The following NLRP1 variants were observed in gnomAD, a reference collection of about 807,000 sequenced individuals.
The protein encoded by NLRP1 is NACHT, LRR and PYD domains-containing protein 1.
Under a neutral mutation model 136.7 loss-of-function variants are expected in NLRP1, and 94 were observed. That is an observed-to-expected ratio of 0.69 (90% CI 0.58 to 0.82). The LOEUF (loss-of-function observed/expected upper bound fraction) is 0.82. Among genes scored for constraint, NLRP1 ranks in the 40% least tolerant of loss-of-function variants. The pLI is 0.00. For missense variants in NLRP1, 1,575 were observed against 1,802.7 expected, an observed-to-expected ratio of 0.87 and a Z score of 2.29; for synonymous variants, 690 against 725.1, an observed-to-expected ratio of 0.95 and a Z score of 0.78.
chr17:5,571,511 C>CA (rs1904348083), intron 3 of NLRP1, among the ~76,000 whole-genome samples: 2 of 152,048 alleles, frequency 1.3e-5, no homozygotes, highest in South Asian at 4.2e-4. Context: ...ACAATAGCCA[C>CA]AAAAAAGTAC....
At chr17:5,548,423 G>A (rs904402041) in intron 5 of NLRP1, among the ~76,000 whole-genome samples, 1 of 152,052 alleles carries the variant, frequency 6.6e-6, no homozygotes, top group African/African-American at 2.4e-5. Context: ...AGCCATCAAT[G>A]ACTCCTTCTC....
At chr17:5,508,485 G>A (rs1907469044) in intron 15 of NLRP1, among the ~76,000 whole-genome samples, 1 of 116,528 alleles carries the variant, frequency 8.6e-6, no homozygotes, top group Non-Finnish European at 1.6e-5. Context: ...AAAGTCATGA[G>A]ACTATTTATG....
rs370329115 is a variant in NLRP1 at position 5,520,915 on chromosome 17, C to T, written c.3881G>A (p.Gly1294Glu). The T allele has an allele frequency of 1.5e-5, 24 of 1,611,076 alleles. No homozygotes were observed. The South Asian group carries it at 2.1e-4, about 14-fold the overall frequency. ...LYMGCRYTVS[G>E]SGSGMLEILP... is the part of the protein sequence containing the mutation. ...TATTTCCAGCATCCCTGAACCAGAC[C>T]CAGACACAGTGTAACGACAGCCCAT... The change falls in exon 14 of 17, where the codon GGG becomes GAG. Residue 1294 changes from glycine to glutamate, a missense_variant. Gly to Glu is a moderately conservative substitution (Grantham distance 98). Transcript: ENST00000572272.
chr17:5,583,352 A>C lies in NLRP1; in HGVS notation c.271+335T>G, dbSNP rs1567675760. Among the ~76,000 whole-genome samples, 1 of 152,170 alleles carries C rather than the reference A, an allele frequency of 6.6e-6. No homozygotes were observed. The highest frequency in any genetic ancestry group is 6.5e-5 in the Admixed American group (1 of 15,286). ...TTTGCAGACAGAGAAATAGGCAGAG[A>C]GCAGTGAAGTGATTGGCCCAGGGTG... On this transcript the variant is annotated intron_variant, in intron 1 of 16. Coordinates refer to ENST00000572272, the MANE Select transcript of NLRP1 (RefSeq NM_033004.4). This position sits in a 1 kb window ranked among gnomAD's most constrained non-coding sequence, Gnocchi z 4.5.
rs1567675309 is a variant in NLRP1, at chr17:5,582,775, CGG to C, written c.341_342del (p.Thr114SerfsTer9). ...TCATGGATCCAGGGCATTAGCACTG[CGG>C]TGGAGGTGGGTTGGCTGGGAGACCC... ...HLGSPSQPTS[T>X]AVLMPWIHEL... On this transcript the variant is annotated frameshift_variant, in exon 2 of 17. Coordinates refer to ENST00000572272, the MANE Select transcript of NLRP1 (RefSeq NM_033004.4). LOFTEE classifies it high-confidence loss of function. 1 of 1,614,016 alleles carries C rather than the reference CGG, an allele frequency of 6.2e-7. No homozygotes were observed. Among genetic ancestry groups the C allele is most frequent in the Non-Finnish European group, 8.5e-7 (1 of 1,179,938 alleles).
At chr17:5,577,798 C>A (rs1905169694) in intron 3 of NLRP1, among the ~76,000 whole-genome samples, 1 of 152,210 alleles carries the variant, frequency 6.6e-6, no homozygotes, top group Non-Finnish European at 1.5e-5. Flanking sequence ...GCCCGCACTG[C>A]CAAGACAATC....
At chr17:5,505,148 T>G (rs536640752) in intron 15 of NLRP1, 1 of 152,358 alleles carries the variant, frequency 6.6e-6, no homozygotes, top group African/African-American at 2.4e-5. Flanking sequence ...AAACCCACAG[T>G]TGATGGGAAA....
At chr17:5,523,100 G>A (rs1909097867) in intron 12 of NLRP1, among the ~76,000 whole-genome samples, 2 of 152,126 alleles carry the variant, frequency 1.3e-5, no homozygotes, top group African/African-American at 2.4e-5. Context: ...CAGAGAGAGA[G>A]AATTCTGGCA....
intron 12 of NLRP1, among the ~76,000 whole-genome samples, chr17:5,529,368 TC>T (rs920167893): frequency 1.3e-5 from 2 of 151,608 alleles, no homozygotes; most frequent in Non-Finnish European, 2.9e-5. Context: ...GATTGTTTAT[TC>T]TTTTTTTTTT....
At chr17:5,563,102 A>C (rs562761966) in intron 3 of NLRP1, among the ~76,000 whole-genome samples, 1 of 152,266 alleles carries the variant, frequency 6.6e-6, no homozygotes, top group African/African-American at 2.4e-5. Context: ...CAAGATAAAA[A>C]CAAAACAAAA....
chr17:5,530,407 A>G, intron 12 of NLRP1, 74 bp downstream of exon 12: 1 of 1,375,810 alleles, frequency 7.3e-7, no homozygotes, highest in Non-Finnish European at 1.0e-6. Flanking sequence ...CTCTCCCAGG[A>G]GATTATCATT....
chr17:5,545,403 TAC>T (rs755572749), intron 5 of NLRP1, among the ~76,000 whole-genome samples: 1 of 103,956 alleles, frequency 9.6e-6, no homozygotes, highest in South Asian at 3.0e-4. Flanking sequence ...CACACACGGA[TAC>T]ACACACACAT....
At chr17:5,560,503 A>G (rs1316001985) in intron 3 of NLRP1, among the ~76,000 whole-genome samples, 1 of 152,212 alleles carries the variant, frequency 6.6e-6, no homozygotes, top group Non-Finnish European at 1.5e-5. Context: ...CTATTGCAGT[A>G]CCTGCCAATG....
At position 5,583,936 on chromosome 17, in the gene NLRP1, G is replaced by T. The variant is rs771011373; in HGVS notation, c.22C>A (p.Arg8Ser). ...AGGAACTCCAAGTAACAGGCCAGGC[G>T]GCCCCAGGCTCCGCCAGCCATCTCT... is the stretch of plus-strand genomic sequence containing the variant. MAGGAWG[R>S]LACYLEFLKK... Residue 8 changes from arginine (R) to serine (S), a missense_variant, in exon 1 of 17, where the codon CGC becomes AGC. Transcript: ENST00000572272. This position sits in a 1 kb window ranked among gnomAD's most constrained non-coding sequence, Gnocchi z 4.5. 1.9e-6 allele frequency: 3 copies of T among 1,609,534 alleles called. No individual in the cohort carries two copies. The highest frequency in any genetic ancestry group is 1.7e-4 in the Middle Eastern group (1 of 6,034).
chr17:5,559,312 C>T lies in NLRP1; in HGVS notation c.1384G>A (p.Ala462Thr), dbSNP rs1312572209. The T allele has an allele frequency of 1.2e-6, 2 of 1,614,166 alleles. No individual in the cohort carries two copies. Among genetic ancestry groups the T allele is most frequent in the Non-Finnish European group, 1.7e-6 (2 of 1,180,000 alleles). The change falls in exon 4 of 17, where the codon GCT becomes ACT. Residue 462 changes from alanine to threonine, a missense_variant. Ala to Thr is a moderately conservative substitution (Grantham distance 58, BLOSUM62 0). Transcript: ENST00000572272. ...ASFLITARTT[A>T]LQNLIPSLEQ... ...AAAGAAGGAATGAGGTTCTGCAGAG[C>T]TGTGGTCCGAGCCGTGATCAGGAAG... is the stretch of plus-strand genomic sequence containing the variant.
intron 15 of NLRP1, chr17:5,501,885 G>A (rs1419375728): frequency 2.5e-6 from 4 of 1,612,462 alleles, no homozygotes; most frequent in Non-Finnish European, 3.4e-6. Context: ...GGAATGGAGG[G>A]AGAACAATCA....
intron 3 of NLRP1, among the ~76,000 whole-genome samples, chr17:5,569,938 T>TA (rs956879563): frequency 5.9e-5 from 9 of 151,864 alleles, no homozygotes; most frequent in African/African-American, 1.7e-4. Flanking sequence ...ACTGCACAAT[T>TA]AAAAAAAATC....
rs1243805644 is a variant in NLRP1, at chr17:5,561,773, G to T, written c.653-1730C>A. Among the ~76,000 whole-genome samples, 3 of 152,230 alleles carry T rather than the reference G, an allele frequency of 2.0e-5. No individual in the cohort carries two copies. In the South Asian group the frequency reaches 6.2e-4, roughly 31 times the overall value. On this transcript the variant is annotated intron_variant, in intron 3 of 16. Transcript: ENST00000572272. ...TGGTTTTTATACTTGCCATGAAACT[G>T]TTCTTTGGGATATTATTTTGTTCAG... is the stretch of plus-strand genomic sequence containing the variant.
chr17:5,568,235 A>C (rs1339309461), intron 3 of NLRP1, among the ~76,000 whole-genome samples: 5 of 151,362 alleles, frequency 3.3e-5, no homozygotes, highest in Admixed American at 2.6e-4. Context: ...GGTGTGTTTC[A>C]TTGTTTTTTT....
Sources: allele counts gnomAD v4.1 joint callset (sites outside exome capture counted in the v4.1 genomes callset), GRCh38; gene constraint gnomAD v4.1.1; non-coding constraint Gnocchi (gnomAD v3.1); transcripts MANE v1.5; gene names NCBI Gene and HGNC (gene_info 2026-07-23, HGNC 2026-07-21).